UNC5C: variants seen among roughly 807,000 people sequenced by gnomAD.
UNC5C encodes the protein netrin receptor UNC5C.
A neutral mutation model predicts 99.8 loss-of-function variants in UNC5C; 47 were observed. That is an observed-to-expected ratio of 0.47 (90% CI 0.37 to 0.60). The LOEUF (loss-of-function observed/expected upper bound fraction) is 0.60. Among genes scored for constraint, UNC5C ranks in the 20% least tolerant of loss-of-function variants. UNC5C has a pLI of 0.00. For missense variants in UNC5C, 1,062 were observed against 1,165.9 expected (o/e 0.91, Z 1.30); for synonymous variants, 487 against 452.2 (o/e 1.08, Z -0.98).
At chr4:95,263,965 T>G (rs1208939936) in intron 4 of UNC5C, among the ~76,000 whole-genome samples, 1 of 152,202 alleles carries the variant, frequency 6.6e-6, no homozygotes, top group Admixed American at 6.5e-5. Flanking sequence ...TAAGAGATAC[T>G]TAAAAATATT....
intron 12 of UNC5C, among the ~76,000 whole-genome samples, chr4:95,187,892 GGAAAGACAAAC>G (rs1159889512): frequency 2.0e-5 from 3 of 152,110 alleles, no homozygotes; most frequent in African/African-American, 7.2e-5. Context: ...TAAACCCTGG[GGAAAGACAAAC>G]TGCCCATCAG....
intron 1 of UNC5C, among the ~76,000 whole-genome samples, chr4:95,429,280 T>TAAAAAAAAAA (rs112203195): frequency 4.2e-5 from 4 of 94,948 alleles, no homozygotes; most frequent in Middle Eastern, 5.9e-3. Flanking sequence ...TAGTGATTCT[T>TAAAAAAAAAA]AAAAAAAAAA....
chr4:95,176,863 A>T (rs1275773453), intron 14 of UNC5C, among the ~76,000 whole-genome samples: 2 of 152,156 alleles, frequency 1.3e-5, no homozygotes, highest in African/African-American at 2.4e-5. Context: ...TTGCAGTTTG[A>T]TCTCAGACTG....
At chr4:95,333,395 A>G (rs1020574688) in intron 2 of UNC5C, among the ~76,000 whole-genome samples, 1 of 152,220 alleles carries the variant, frequency 6.6e-6, no homozygotes, top group East Asian at 1.9e-4. Context: ...GCAGTCATAA[A>G]AAATGATGAG....
intron 1 of UNC5C, among the ~76,000 whole-genome samples, chr4:95,489,903 G>T (rs1402936065): frequency 6.6e-6 from 1 of 151,646 alleles, no homozygotes; most frequent in African/African-American, 2.4e-5. Context: ...GGAAAGTTAG[G>T]GCTGGAACTG....
chr4:95,213,664 AC>A (rs1738151655), intron 10 of UNC5C, among the ~76,000 whole-genome samples: 1 of 152,208 alleles, frequency 6.6e-6, no homozygotes, highest in South Asian at 2.1e-4. Context: ...CTGGAAACAT[AC>A]CCAGTTTGGG....
chr4:95,182,874 T>G (rs1560718111), intron 14 of UNC5C, 23 bp downstream of exon 14: 1 of 1,599,472 alleles, frequency 6.3e-7, no homozygotes, highest in East Asian at 2.2e-5. Flanking sequence ...TCCCCTGATT[T>G]CAGACAGACA....
intron 14 of UNC5C, among the ~76,000 whole-genome samples, chr4:95,172,273 G>T (rs940476941): frequency 6.6e-6 from 1 of 151,814 alleles, no homozygotes; most frequent in African/African-American, 2.4e-5. Flanking sequence ...TTTGGCTTTG[G>T]TTGCCATTGC....
At chr4:95,541,822 T>C (rs1342842723) in intron 1 of UNC5C, among the ~76,000 whole-genome samples, 2 of 152,004 alleles carry the variant, frequency 1.3e-5, no homozygotes, top group Non-Finnish European at 2.9e-5. Flanking sequence ...TGAACAGAAA[T>C]AAAAAGAGAG....
chr4:95,493,503 T>A (rs1248298005), intron 1 of UNC5C, among the ~76,000 whole-genome samples: 2 of 151,474 alleles, frequency 1.3e-5, no homozygotes, highest in Non-Finnish European at 3.0e-5. Context: ...CACTTTTTAG[T>A]CAGTGGATGG....
At chr4:95,288,692 C>T (rs558679481) in intron 3 of UNC5C, among the ~76,000 whole-genome samples, 2 of 152,326 alleles carry the variant, frequency 1.3e-5, no homozygotes, top group African/African-American at 4.8e-5. Context: ...TCCCAGATTC[C>T]AGTGGCTGAT....
chr4:95,401,394 T>C (rs1045845091), intron 1 of UNC5C, among the ~76,000 whole-genome samples: 1 of 152,094 alleles, frequency 6.6e-6, no homozygotes, highest in Non-Finnish European at 1.5e-5. Flanking sequence ...CTTGAACTCG[T>C]AGGCTCAAGT....
chr4:95,522,841 C>T lies in UNC5C; in HGVS notation c.124+25893G>A, dbSNP rs1448493150. Among the ~76,000 whole-genome samples the T allele has an allele frequency of 4.6e-5, 7 of 152,254 alleles. No homozygotes were observed. The East Asian group carries it at 7.7e-4, about 17-fold the overall frequency. ...TCCTGTATTCTATGTCACATGTTCTCGTAATTGTTCTATTCAAACACTCCA... is the reference window on the plus strand; with the variant it reads ...TCCTGTATTCTATGTCACATGTTCTTGTAATTGTTCTATTCAAACACTCCA... On this transcript the variant is annotated intron_variant, in intron 1 of 15. Coordinates refer to ENST00000453304, the MANE Select transcript of UNC5C (RefSeq NM_003728.4).
chr4:95,469,730 G>C (rs1348926559), intron 1 of UNC5C, among the ~76,000 whole-genome samples: 1 of 152,042 alleles, frequency 6.6e-6, no homozygotes, highest in Admixed American at 6.6e-5. Flanking sequence ...AGCACTTTCA[G>C]CATTACTAGT....
At chr4:95,171,995 G>A (rs1249571260) in intron 14 of UNC5C, among the ~76,000 whole-genome samples, 9 of 149,700 alleles carry the variant, frequency 6.0e-5, no homozygotes, top group African/African-American at 2.2e-4. Context: ...GCCAGTGATG[G>A]TGAGCATTTT....
At chr4:95,464,289 A>G (rs1012549657) in intron 1 of UNC5C, among the ~76,000 whole-genome samples, 1 of 152,226 alleles carries the variant, frequency 6.6e-6, no homozygotes, top group Non-Finnish European at 1.5e-5. Context: ...GAGTTGGAAC[A>G]AGAGCATCAT....
At chr4:95,521,105 G>GAT (rs1722343096) in intron 1 of UNC5C, among the ~76,000 whole-genome samples, 1 of 151,888 alleles carries the variant, frequency 6.6e-6, no homozygotes, top group Non-Finnish European at 1.5e-5. Context: ...ATGCCTGCAT[G>GAT]ATTAGATTCT....
In UNC5C at chr4:95,167,054, G is replaced by C. The variant is rs1208531531; in HGVS notation, c.*2180C>G. ...CATGAAAGAAAGAAGAGGTTCCATA[G>C]CAAGGTATCAGCAGTTCCTCAGGGA... On this transcript the variant is annotated 3_prime_UTR_variant, in exon 16 of 16. Coordinates refer to ENST00000453304, the MANE Select transcript of UNC5C (RefSeq NM_003728.4). 1 of 152,186 alleles carries C rather than the reference G, an allele frequency of 6.6e-6. No homozygotes were observed. Among genetic ancestry groups the C allele is most frequent in the African/African-American group, 2.4e-5 (1 of 41,448 alleles). The allele number at this position is 152,186 out of a possible 1,614,324, so 9.4% of individuals were successfully genotyped here.
intron 1 of UNC5C, 97 bp downstream of exon 1, chr4:95,548,637 G>A: frequency 7.0e-7 from 1 of 1,432,672 alleles, no homozygotes; most frequent in African/African-American, 1.4e-5. Context: ...AAGCAACGAG[G>A]CAAATTGAGG....
Sources: gnomAD v4.1 joint callset for allele counts (sites outside exome capture counted in the v4.1 genomes callset) on GRCh38, gnomAD v4.1.1 for gene constraint, MANE v1.5 for transcripts, NCBI Gene and HGNC (gene_info 2026-07-23, HGNC 2026-07-21) for gene names.